The following COL26A1 variants were observed in gnomAD, a reference collection of about 807,000 sequenced individuals.
COL26A1 encodes collagen type XXVI alpha 1 chain.
In COL26A1, 41 loss-of-function variants were observed where a neutral mutation model predicts 59.3. The ratio of observed to expected loss-of-function variants is 0.69; its 90% confidence interval spans 0.54 to 0.90. The LOEUF is 0.90. COL26A1 is among the 40% of genes least tolerant of loss of function. COL26A1 has a pLI of 0.00. For missense variants in COL26A1, 612 were observed against 602.3 expected, an observed-to-expected ratio of 1.02 and a Z score of -0.17; for synonymous variants, 266 against 256.0, an observed-to-expected ratio of 1.04 and a Z score of -0.37.
intron 1 of COL26A1, among the ~76,000 whole-genome samples, chr7:101,406,570 A>T (rs562657021): frequency 9.2e-5 from 14 of 152,308 alleles, no homozygotes; most frequent in Admixed American, 2.0e-4. Context: ...ATTTACCCCC[A>T]CTGGGCTCAG....
chr7:101,417,603 T>C (rs1792402499), intron 1 of COL26A1, among the ~76,000 whole-genome samples: 1 of 141,392 alleles, frequency 7.1e-6, no homozygotes, highest in African/African-American at 2.5e-5. Flanking sequence ...TAGATACAGG[T>C]ATATCTATAT....
At chr7:101,398,454 C>G (rs891643169) in intron 1 of COL26A1, among the ~76,000 whole-genome samples, 2 of 152,192 alleles carry the variant, frequency 1.3e-5, no homozygotes, top group African/African-American at 4.8e-5. Context: ...ACCAAGTCCT[C>G]TTATTGGGCT....
intron 3 of COL26A1, among the ~76,000 whole-genome samples, chr7:101,494,674 GC>G (rs1197537745): frequency 1.3e-5 from 2 of 152,208 alleles, no homozygotes; most frequent in African/African-American, 4.8e-5. Context: ...AGCCAATCAT[GC>G]AGGTTTGGTG....
At chr7:101,411,374 G>A (rs1792237021) in intron 1 of COL26A1, among the ~76,000 whole-genome samples, 1 of 152,074 alleles carries the variant, frequency 6.6e-6, no homozygotes, top group African/African-American at 2.4e-5. Context: ...ACACGGCCAC[G>A]TCTGTGCTTG....
At chr7:101,514,497 C>T (rs1472604541) in intron 3 of COL26A1, among the ~76,000 whole-genome samples, 1 of 152,140 alleles carries the variant, frequency 6.6e-6, no homozygotes, top group African/African-American at 2.4e-5. Context: ...TCAGGGGACC[C>T]AGGGTTGTCC....
chr7:101,519,870 G>A (rs138890794), intron 3 of COL26A1, among the ~76,000 whole-genome samples: 2 of 152,200 alleles, frequency 1.3e-5, no homozygotes, highest in Non-Finnish European at 2.9e-5. Flanking sequence ...ACATCACCGC[G>A]GCTCATTCTC....
intron 3 of COL26A1, among the ~76,000 whole-genome samples, chr7:101,498,016 T>C (rs1015161451): frequency 1.1e-4 from 17 of 151,944 alleles, no homozygotes; most frequent in African/African-American, 2.7e-4. Flanking sequence ...GTAGTGGAGG[T>C]TGGCTTTTGA....
At chr7:101,462,351 CTG>C (rs1446847391) in intron 3 of COL26A1, among the ~76,000 whole-genome samples, 1 of 151,604 alleles carries the variant, frequency 6.6e-6, no homozygotes, top group African/African-American at 2.4e-5. Context: ...GGGCCTCACT[CTG>C]TCATCCAGGC....
chr7:101,528,500 C>T (rs1212374283), intron 3 of COL26A1, among the ~76,000 whole-genome samples: 2 of 150,950 alleles, frequency 1.3e-5, no homozygotes, highest in Non-Finnish European at 3.0e-5. Context: ...AGTTGCTTTT[C>T]CCTTCCCTCC....
At chr7:101,514,432 T>C (rs1794987341) in intron 3 of COL26A1, among the ~76,000 whole-genome samples, 1 of 152,190 alleles carries the variant, frequency 6.6e-6, no homozygotes, top group Non-Finnish European at 1.5e-5. Flanking sequence ...GCTGAGGTTT[T>C]GGACAGCTGC....
intron 3 of COL26A1, among the ~76,000 whole-genome samples, chr7:101,479,618 T>G (rs1443233921): frequency 6.6e-6 from 1 of 152,218 alleles, no homozygotes; most frequent in African/African-American, 2.4e-5. Context: ...CTTACCCATT[T>G]AAGACTCTTT....
rs764059657 is a variant in COL26A1, at chr7:101,466,837, T to TGTGTGTGTGTGTGTGA, written c.385+19051_385+19052insTGTGTGTGTGTGTGAG. ...GTGTGTGTGTGTGTGTGTGTGTGTG[T>TGTGTGTGTGTGTGTGA]GAGAGAGAGAGATTCAGTCTCTGCC... On this transcript the variant is annotated intron_variant, in intron 3 of 12. Coordinates refer to ENST00000313669, the MANE Select transcript of COL26A1 (RefSeq NM_001278563.3). Among the ~76,000 whole-genome samples the TGTGTGTGTGTGTGTGA allele has an allele frequency of 9.1e-3, 1,121 of 122,588 alleles. 10 individuals carry two copies. The highest frequency in any genetic ancestry group is 0.02 in the African/African-American group (641 of 31,432). The allele number at this position is 122,588 out of a possible 152,430, so 80.4% of individuals were successfully genotyped here.
chr7:101,505,076 A>T (rs1211982880), intron 3 of COL26A1, among the ~76,000 whole-genome samples: 1 of 151,982 alleles, frequency 6.6e-6, no homozygotes, highest in Non-Finnish European at 1.5e-5. Flanking sequence ...GATGGCTTGA[A>T]CCAGTGAGCA....
At chr7:101,414,700 G>A (rs1009949964) in intron 1 of COL26A1, among the ~76,000 whole-genome samples, 1 of 152,170 alleles carries the variant, frequency 6.6e-6, no homozygotes, top group Non-Finnish European at 1.5e-5. Flanking sequence ...GCCTCCCAAA[G>A]TGCTGGGATT....
At chr7:101,367,592 G>T (rs1165543092) in intron 1 of COL26A1, among the ~76,000 whole-genome samples, 1 of 151,820 alleles carries the variant, frequency 6.6e-6, no homozygotes, top group Non-Finnish European at 1.5e-5. Context: ...TTAAGCCCGG[G>T]AGGCGGAGGG....
intron 4 of COL26A1, among the ~76,000 whole-genome samples, chr7:101,539,422 TA>T (rs1584497544): frequency 6.6e-6 from 1 of 151,984 alleles, no homozygotes; most frequent in African/African-American, 2.4e-5. Context: ...TAACTCACTG[TA>T]GCCTTGAACT....
chr7:101,465,597 G>A (rs1013717694), intron 3 of COL26A1, among the ~76,000 whole-genome samples: 3 of 151,650 alleles, frequency 2.0e-5, no homozygotes, highest in Admixed American at 2.0e-4. Context: ...GGGAGGCCAA[G>A]GCAGGAGAAT....
intron 1 of COL26A1, among the ~76,000 whole-genome samples, chr7:101,374,462 G>T (rs1484181489): frequency 6.6e-6 from 1 of 152,188 alleles, no homozygotes; most frequent in African/African-American, 2.4e-5. Context: ...AAAGCCTGAA[G>T]CTTCATCTCT....
intron 10 of COL26A1, 87 bp downstream of exon 10, chr7:101,551,230 T>TGGGGGGGGGGTTGGGG: frequency 1.8e-5 from 2 of 113,776 alleles, no homozygotes; most frequent in Non-Finnish European, 3.2e-5. Context: ...CGGGGGTTGG[T>TGGGGGGGGGGTTGGGG]GGGGGGGTTC....
Sources: gnomAD v4.1 joint callset for allele counts (sites outside exome capture counted in the v4.1 genomes callset) on GRCh38, gnomAD v4.1.1 for gene constraint, MANE v1.5 for transcripts, NCBI Gene and HGNC (gene_info 2026-07-23, HGNC 2026-07-21) for gene names.